BICC1: variants seen among roughly 807,000 people sequenced by gnomAD.
BICC1 encodes protein bicaudal C homolog 1.
Under a neutral mutation model 111.0 loss-of-function variants are expected in BICC1, and 43 were observed. The observed-to-expected ratio is 0.39, with a 90% CI of 0.30 to 0.50. The LOEUF (loss-of-function observed/expected upper bound fraction) is 0.50. BICC1 is among the 20% of genes least tolerant of loss of function. The pLI is 0.88. For synonymous variants in BICC1, 467 were observed against 434.4 expected (o/e 1.07, Z -0.93); for missense variants, 1,091 against 1,203.2 (o/e 0.91, Z 1.38).
chr10:58,828,934 G>T lies in BICC1; in HGVS notation c.*43G>T. Reference sequence around the variant, plus strand: ...ATGCCCGCTGACTAACTGTAAAGTGGACACAGGAGATGTATGAACAGCCTT... The same window carrying T: ...ATGCCCGCTGACTAACTGTAAAGTGTACACAGGAGATGTATGAACAGCCTT... On this transcript the variant is annotated 3_prime_UTR_variant, in exon 21 of 21. Coordinates refer to ENST00000373886, the MANE Select transcript of BICC1 (RefSeq NM_001080512.3). The T allele has an allele frequency of 6.2e-7, 1 of 1,610,554 alleles. No homozygotes were observed.
intron 3 of BICC1, among the ~76,000 whole-genome samples, chr10:58,769,210 G>A (rs1009078564): frequency 4.6e-5 from 7 of 151,570 alleles, no homozygotes; most frequent in Admixed American, 4.6e-4. Context: ...TGGAGACCTA[G>A]TGTACAGTGT....
At chr10:58,591,681 A>T (rs1210705786) in intron 1 of BICC1, among the ~76,000 whole-genome samples, 1 of 152,150 alleles carries the variant, frequency 6.6e-6, no homozygotes, top group East Asian at 1.9e-4. Context: ...TGATGGGGAG[A>T]TTTAGGAGAT....
chr10:58,800,624 T>A (rs1843512959), intron 13 of BICC1, among the ~76,000 whole-genome samples: 1 of 152,068 alleles, frequency 6.6e-6, no homozygotes, highest in Non-Finnish European at 1.5e-5. Flanking sequence ...TATATATAGT[T>A]CCCCCAAGTA....
At chr10:58,615,394 T>G (rs1417995383) in intron 1 of BICC1, among the ~76,000 whole-genome samples, 1 of 151,804 alleles carries the variant, frequency 6.6e-6, no homozygotes, top group African/African-American at 2.4e-5. Context: ...ACCCAGCGAG[T>G]TTGGAGTGCA....
At chr10:58,748,684 C>G (rs1283736657) in intron 3 of BICC1, among the ~76,000 whole-genome samples, 2 of 152,064 alleles carry the variant, frequency 1.3e-5, no homozygotes, top group Non-Finnish European at 2.9e-5. Context: ...CTTAACTTCT[C>G]TGGAGCATGT....
At chr10:58,676,488 A>AT (rs2132342372) in intron 2 of BICC1, among the ~76,000 whole-genome samples, 1 of 152,276 alleles carries the variant, frequency 6.6e-6, no homozygotes, top group East Asian at 1.9e-4. Flanking sequence ...CTGTAGCCAG[A>AT]TTCCTCTCTA....
chr10:58,818,212 T>G (rs980219115), intron 19 of BICC1, among the ~76,000 whole-genome samples: 2 of 152,188 alleles, frequency 1.3e-5, no homozygotes, highest in Non-Finnish European at 2.9e-5. Context: ...ATTTATTCAT[T>G]AACTTATTGT....
chr10:58,727,752 T>C (rs1589069370), intron 3 of BICC1, among the ~76,000 whole-genome samples: 4 of 152,212 alleles, frequency 2.6e-5, no homozygotes, highest in Admixed American at 2.6e-4. Context: ...TTAATGTCAG[T>C]TAATAGCTTC....
chr10:58,804,061 T>C (rs577305187), intron 15 of BICC1, among the ~76,000 whole-genome samples: 1 of 152,210 alleles, frequency 6.6e-6, no homozygotes, highest in South Asian at 2.1e-4. Flanking sequence ...AAGAAATTAA[T>C]TCATGGAGCT....
At chr10:58,735,019 C>T (rs1412792572) in intron 3 of BICC1, among the ~76,000 whole-genome samples, 1 of 152,172 alleles carries the variant, frequency 6.6e-6, no homozygotes, top group African/African-American at 2.4e-5. Context: ...AAATAAATCA[C>T]AGTGACCCTT....
intron 15 of BICC1, among the ~76,000 whole-genome samples, chr10:58,804,313 T>C (rs1324607737): frequency 6.6e-6 from 1 of 152,080 alleles, no homozygotes; most frequent in Non-Finnish European, 1.5e-5. Context: ...TCCTGGAGTT[T>C]GAGACCAGCC....
intron 1 of BICC1, among the ~76,000 whole-genome samples, chr10:58,611,272 A>T (rs1227822198): frequency 1.3e-5 from 2 of 152,240 alleles, no homozygotes; most frequent in Non-Finnish European, 2.9e-5. Flanking sequence ...CAAAGAAAAA[A>T]TGATAAACAG....
intron 4 of BICC1, 45 bp from the exon 5 acceptor site, chr10:58,786,874 ATTCT>A: frequency 7.2e-7 from 1 of 1,395,986 alleles, no homozygotes; most frequent in Non-Finnish European, 9.5e-7. Context: ...TTAGGAGGTC[ATTCT>A]TTCCTTTTGC....
intron 3 of BICC1, among the ~76,000 whole-genome samples, chr10:58,721,083 A>G (rs1840924703): frequency 6.6e-6 from 1 of 152,212 alleles, no homozygotes; most frequent in South Asian, 2.1e-4. Flanking sequence ...CTCGAAGTAT[A>G]ACCTTTACTC....
chr10:58,744,202 A>G (rs1327955913), intron 3 of BICC1, among the ~76,000 whole-genome samples: 1 of 152,172 alleles, frequency 6.6e-6, no homozygotes, highest in Non-Finnish European at 1.5e-5. Context: ...AACAAGTATT[A>G]TTTCAATTGC....
At chr10:58,802,977 C>T in intron 14 of BICC1, 100 bp from the exon 15 acceptor site, 1 of 1,161,098 alleles carries the variant, frequency 8.6e-7, no homozygotes, top group Non-Finnish European at 1.2e-6. Flanking sequence ...GTGTAAATAG[C>T]TGATGATGAT....
chr10:58,559,547 A>G (rs1843547515), intron 1 of BICC1, among the ~76,000 whole-genome samples: 1 of 152,144 alleles, frequency 6.6e-6, no homozygotes, highest in Admixed American at 6.6e-5. Flanking sequence ...GCAAACAGAA[A>G]CAGTTTGATT....
chr10:58,769,576 C>A (rs1376596690), intron 3 of BICC1, among the ~76,000 whole-genome samples: 2 of 151,336 alleles, frequency 1.3e-5, no homozygotes, highest in East Asian at 3.9e-4. Context: ...GTACCATTTC[C>A]CATATATTGT....
intron 3 of BICC1, among the ~76,000 whole-genome samples, chr10:58,763,369 G>T (rs1394995674): frequency 1.3e-5 from 2 of 152,128 alleles, no homozygotes; most frequent in South Asian, 2.1e-4. Context: ...TATAGCCATA[G>T]CCCTGAGCTT....
Sources: allele counts gnomAD v4.1 joint callset (sites outside exome capture counted in the v4.1 genomes callset), GRCh38; gene constraint gnomAD v4.1.1; transcripts MANE v1.5; gene names NCBI Gene and HGNC (gene_info 2026-07-23, HGNC 2026-07-21).